Variants in RGS7 observed in about 807,000 individuals in gnomAD.
RGS7 encodes regulator of G protein signaling 7.
RGS7 carries 27 observed loss-of-function variants against 81.1 expected under a neutral mutation model. That is an observed-to-expected ratio of 0.33 (90% CI 0.25 to 0.46). The LOEUF (loss-of-function observed/expected upper bound fraction) is 0.46. RGS7 is among the 20% of genes least tolerant of loss of function. The pLI, the probability that RGS7 is intolerant of heterozygous loss-of-function variation, is 1.00. For synonymous variants in RGS7, 208 were observed against 207.7 expected, an observed-to-expected ratio of 1.00 and a Z score of -0.01; for missense variants, 396 against 607.4, an observed-to-expected ratio of 0.65 and a Z score of 3.66.
chr1:240,925,172 C>T (rs925039028), intron 6 of RGS7, among the ~76,000 whole-genome samples: 2 of 152,004 alleles, frequency 1.3e-5, no homozygotes, highest in African/African-American at 4.8e-5. Context: ...AGGTTTGTTA[C>T]ATGGGTATAT....
chr1:241,226,718 T>C (rs1175322692), intron 2 of RGS7, among the ~76,000 whole-genome samples: 1 of 152,212 alleles, frequency 6.6e-6, no homozygotes, highest in Non-Finnish European at 1.5e-5. Flanking sequence ...GACACCGAGC[T>C]GAACATTGAT....
chr1:241,279,918 T>A (rs1435854394), intron 2 of RGS7, among the ~76,000 whole-genome samples: 1 of 152,114 alleles, frequency 6.6e-6, no homozygotes, highest in Non-Finnish European at 1.5e-5. Context: ...GCTAGTGGTA[T>A]TCTATGGGAA....
At chr1:240,973,732 G>A (rs1572069394) in intron 4 of RGS7, among the ~76,000 whole-genome samples, 1 of 151,940 alleles carries the variant, frequency 6.6e-6, no homozygotes, top group East Asian at 2.0e-4. Flanking sequence ...TGGGACTACA[G>A]GGGCCCACCA....
chr1:241,060,582 C>A (rs985556223), intron 3 of RGS7, among the ~76,000 whole-genome samples: 1 of 152,142 alleles, frequency 6.6e-6, no homozygotes, highest in African/African-American at 2.4e-5. Context: ...TTGGAAGCAA[C>A]TGACTTCTTG....
chr1:240,928,474 T>C (rs1208687366), intron 6 of RGS7, among the ~76,000 whole-genome samples: 1 of 152,194 alleles, frequency 6.6e-6, no homozygotes, highest in African/African-American at 2.4e-5. Flanking sequence ...GGCTCACCAC[T>C]GAAACATCAA....
At chr1:241,073,987 G>A (rs750920032) in intron 3 of RGS7, among the ~76,000 whole-genome samples, 7 of 150,466 alleles carry the variant, frequency 4.7e-5, no homozygotes, top group African/African-American at 4.9e-5. Flanking sequence ...CGTAACCTCC[G>A]CCTCCCAGGT....
chr1:240,997,706 C>A (rs557715828), intron 3 of RGS7, among the ~76,000 whole-genome samples: 38 of 152,234 alleles, frequency 2.5e-4, no homozygotes, highest in African/African-American at 8.4e-4. Context: ...TGCCTGTAAT[C>A]CCAGCTACTC....
At chr1:240,863,524 T>C (rs1326318569) in intron 9 of RGS7, among the ~76,000 whole-genome samples, 1 of 152,144 alleles carries the variant, frequency 6.6e-6, no homozygotes, top group Non-Finnish European at 1.5e-5. Context: ...TTTGAAATAA[T>C]AACGTATGTA....
intron 3 of RGS7, among the ~76,000 whole-genome samples, chr1:241,038,430 A>G (rs920774491): frequency 6.6e-6 from 1 of 152,232 alleles, no homozygotes; most frequent in Non-Finnish European, 1.5e-5. Flanking sequence ...ACAAGGCCAC[A>G]ACATATCCAT....
chr1:241,355,643 A>T (rs367893304), intron 2 of RGS7, 56 bp downstream of exon 2: 189 of 1,523,932 alleles, frequency 1.2e-4, no homozygotes, highest in Non-Finnish European at 1.6e-4. Flanking sequence ...AGAGGGGGAA[A>T]AAAATCGAGA....
intron 3 of RGS7, among the ~76,000 whole-genome samples, chr1:241,037,585 G>A (rs2060395649): frequency 6.6e-6 from 1 of 152,004 alleles, no homozygotes; most frequent in Non-Finnish European, 1.5e-5. Flanking sequence ...GCCAGGTGTG[G>A]TGGCAGGCCC....
At chr1:240,965,466 T>C (rs1328858046) in intron 4 of RGS7, among the ~76,000 whole-genome samples, 1 of 152,224 alleles carries the variant, frequency 6.6e-6, no homozygotes, top group East Asian at 1.9e-4. Context: ...TATTTGACTT[T>C]TAGTAGTAGT....
At position 241,057,101 on chromosome 1, in the gene RGS7, A is replaced by G. The variant is rs146630864; in HGVS notation, c.175+41565T>C. On this transcript the variant is annotated intron_variant, in intron 3 of 18. Coordinates refer to ENST00000440928, the MANE Select transcript of RGS7 (RefSeq NM_001364886.1). ...TGATTTAGTTAATAGTATTTAAAAC[A>G]CAAAGTAATTTTTTTTGGCTGGGGA... 9.0e-3 allele frequency among the ~76,000 whole-genome samples: 1,370 copies of G among 152,236 alleles called. 10 individuals carry two copies. The highest frequency in any genetic ancestry group is 0.024 in the Middle Eastern group (7 of 294).
At chr1:240,814,831 T>C in intron 11 of RGS7, 54 bp from the exon 12 acceptor site, 1 of 1,116,488 alleles carries the variant, frequency 9.0e-7, no homozygotes, top group Non-Finnish European at 1.4e-6. Context: ...TTCACAATTT[T>C]CCACTCTAAA....
intron 18 of RGS7, among the ~76,000 whole-genome samples, chr1:240,784,490 A>G (rs1404990366): frequency 1.3e-5 from 2 of 151,468 alleles, no homozygotes; most frequent in African/African-American, 2.4e-5. Flanking sequence ...AAAAAATACA[A>G]AAAGAATTAG....
intron 4 of RGS7, among the ~76,000 whole-genome samples, chr1:240,961,481 T>C (rs1681428086): frequency 6.6e-6 from 1 of 152,238 alleles, no homozygotes; most frequent in Non-Finnish European, 1.5e-5. Context: ...ACTATTAATA[T>C]GTGCATGTTT....
intron 2 of RGS7, among the ~76,000 whole-genome samples, chr1:241,347,098 C>T (rs2082940642): frequency 6.6e-6 from 1 of 152,156 alleles, no homozygotes. Context: ...GTTTGGCTGA[C>T]ATGGAGAGCT....
At chr1:240,780,615 A>G (rs1683843008) in intron 18 of RGS7, among the ~76,000 whole-genome samples, 1 of 151,946 alleles carries the variant, frequency 6.6e-6, no homozygotes. Context: ...TTTGGTTCAA[A>G]ATTCTGGGAA....
chr1:241,077,051 A>T (rs2062844368), intron 3 of RGS7, among the ~76,000 whole-genome samples: 1 of 152,216 alleles, frequency 6.6e-6, no homozygotes, highest in African/African-American at 2.4e-5. Context: ...AAACCCTCTT[A>T]TACCAACTAT....
Sources: gnomAD v4.1 joint callset for allele counts (sites outside exome capture counted in the v4.1 genomes callset) on GRCh38, gnomAD v4.1.1 for gene constraint, MANE v1.5 for transcripts, NCBI Gene and HGNC (gene_info 2026-07-23, HGNC 2026-07-21) for gene names.